Variants in CARF observed in about 807,000 individuals in gnomAD.
CARF encodes calcium responsive transcription factor.
In CARF, 57 loss-of-function variants were observed where a neutral mutation model predicts 82.0. The observed-to-expected ratio is 0.70, with a 90% CI of 0.56 to 0.87. The LOEUF (loss-of-function observed/expected upper bound fraction) is 0.87, where lower values mean the gene tolerates loss of function less well. Ranked by LOEUF, CARF falls within the 40% of genes least tolerant of loss-of-function variation. The pLI is 0.00. For missense variants in CARF, 771 were observed against 855.8 expected (o/e 0.90, Z 1.24); for synonymous variants, 268 against 290.1 (o/e 0.92, Z 0.77).
intron 9 of CARF, among the ~76,000 whole-genome samples, chr2:202,965,545 G>T (rs910716275): frequency 2.0e-5 from 3 of 151,698 alleles, no homozygotes; most frequent in African/African-American, 7.2e-5. Context: ...TTTCTGAGTG[G>T]TTGTTTATTA....
chr2:202,923,110 G>T (rs1450532715), intron 2 of CARF, among the ~76,000 whole-genome samples: 2 of 151,588 alleles, frequency 1.3e-5, no homozygotes, highest in Non-Finnish European at 2.9e-5. Flanking sequence ...GTGTGGTGGT[G>T]CATGCCTGTA....
intron 2 of CARF, among the ~76,000 whole-genome samples, chr2:202,921,509 G>A (rs1690783459): frequency 6.6e-6 from 1 of 152,080 alleles, no homozygotes; most frequent in African/African-American, 2.4e-5. Flanking sequence ...GTGATATCAT[G>A]AAATAAACCT....
At chr2:202,935,423 AC>A (rs1181070925) in intron 3 of CARF, among the ~76,000 whole-genome samples, 1 of 150,746 alleles carries the variant, frequency 6.6e-6, no homozygotes, top group Non-Finnish European at 1.5e-5. Context: ...TATCAATTGT[AC>A]CCTTTTCTCT....
At chr2:202,970,185 A>T (rs1001123370) in intron 11 of CARF, 123 bp downstream of exon 11, 1 of 869,648 alleles carries the variant, frequency 1.1e-6, no homozygotes, top group African/African-American at 1.8e-5. Flanking sequence ...TAAGGTAGAG[A>T]TATCAATAGT....
intron 3 of CARF, among the ~76,000 whole-genome samples, chr2:202,940,524 G>C (rs1019272262): frequency 6.6e-6 from 1 of 151,964 alleles, no homozygotes; most frequent in African/African-American, 2.4e-5. Flanking sequence ...TTCTTTGATT[G>C]TTAGCTTATA....
intron 1 of CARF, among the ~76,000 whole-genome samples, chr2:202,916,047 C>T (rs1479891926): frequency 1.3e-5 from 2 of 152,006 alleles, no homozygotes; most frequent in Non-Finnish European, 2.9e-5. Context: ...GTCTTGATTT[C>T]ATTTTTGACA....
chr2:202,981,280 T>C (rs2060251503), intron 14 of CARF, among the ~76,000 whole-genome samples: 1 of 152,192 alleles, frequency 6.6e-6, no homozygotes, highest in Non-Finnish European at 1.5e-5. Flanking sequence ...ATGTTTCTGC[T>C]GATCTAACAC....
At chr2:202,981,335 G>A (rs1479684134) in intron 14 of CARF, among the ~76,000 whole-genome samples, 1 of 152,184 alleles carries the variant, frequency 6.6e-6, no homozygotes, top group Non-Finnish European at 1.5e-5. Context: ...AGTAAGGCTT[G>A]CTTGCCCCAT....
chr2:202,932,357 T>C (rs1317248233), intron 3 of CARF, among the ~76,000 whole-genome samples: 1 of 152,114 alleles, frequency 6.6e-6, no homozygotes, highest in Non-Finnish European at 1.5e-5. Flanking sequence ...TGGATGTAGA[T>C]TGACCACAGA....
At chr2:202,969,212 T>A (rs1026029421) in intron 10 of CARF, among the ~76,000 whole-genome samples, 1 of 151,322 alleles carries the variant, frequency 6.6e-6, no homozygotes, top group Non-Finnish European at 1.5e-5. Flanking sequence ...GAGAATCACC[T>A]GTGACATTGA....
At chr2:202,933,741 G>T (rs1693404447) in intron 3 of CARF, among the ~76,000 whole-genome samples, 1 of 152,034 alleles carries the variant, frequency 6.6e-6, no homozygotes, top group Non-Finnish European at 1.5e-5. Context: ...GACTTCTAGT[G>T]GGCCATCTTG....
intron 5 of CARF, among the ~76,000 whole-genome samples, chr2:202,949,342 C>CAAAA (rs540061451): frequency 1.8e-5 from 2 of 114,054 alleles, no homozygotes; most frequent in African/African-American, 3.4e-5. Flanking sequence ...GACTCCATCT[C>CAAAA]AAAAAAAAAA....
At chr2:202,947,210 A>G (rs1218667425) in intron 5 of CARF, among the ~76,000 whole-genome samples, 3 of 152,222 alleles carry the variant, frequency 2.0e-5, no homozygotes, top group Non-Finnish European at 2.9e-5. Flanking sequence ...ACAATAGCAA[A>G]GTCTTGGAAC....
chr2:202,947,278 A>G (rs1044651281), intron 5 of CARF, among the ~76,000 whole-genome samples: 3 of 152,208 alleles, frequency 2.0e-5, no homozygotes, highest in African/African-American at 7.2e-5. Context: ...CATATATACC[A>G]TGGAACACTA....
At position 202,913,582 on chromosome 2, in the gene CARF, G is replaced by A. The variant is rs373029202; in HGVS notation, c.-330+480G>A. 5.3e-5 allele frequency among the ~76,000 whole-genome samples: 8 copies of A among 152,296 alleles called. No homozygotes were observed. In the East Asian group the frequency reaches 1.2e-3, roughly 22 times the overall value. On this transcript the variant is annotated intron_variant, in intron 1 of 16. Coordinates refer to ENST00000438828, the MANE Select transcript of CARF (RefSeq NM_024744.17). ...TGAAGTCCCAGGAGATCACTTATTA[G>A]GCTTGAGCTTGCTAATGGAAGTGGT...
rs34306825 is a variant in CARF at position 202,977,320 on chromosome 2, A to C, written c.1546A>C (p.Thr516Pro). 95 of 1,611,698 alleles carry C rather than the reference A, an allele frequency of 5.9e-5. 4 individuals are homozygous for C. In the Middle Eastern group the frequency reaches 6.1e-3, roughly 103 times the overall value. ...TATTCTCAAAGAGACCATGACAGTT[A>C]CATTTGCAGAAGGTAGGTTTTCTTG... is the stretch of plus-strand genomic sequence containing the variant. ...GNILKETMTV[T>P]FAEGNSPGES... is the part of the protein sequence containing the mutation. The change falls in exon 14 of 17, where the codon ACA (threonine) becomes CCA (proline). Residue 516 changes from threonine (T) to proline (P), a missense_variant. Coordinates refer to ENST00000438828, the MANE Select transcript of CARF (RefSeq NM_024744.17).
intron 12 of CARF, 40 bp from the exon 13 acceptor site, chr2:202,974,294 A>G: frequency 1.4e-6 from 2 of 1,476,804 alleles, no homozygotes; most frequent in Non-Finnish European, 9.1e-7. Context: ...GCATATTGCT[A>G]AATGGTTTAT....
chr2:202,975,213 T>A (rs2059976463), intron 13 of CARF, among the ~76,000 whole-genome samples: 1 of 151,918 alleles, frequency 6.6e-6, no homozygotes, highest in Admixed American at 6.6e-5. Flanking sequence ...CCCAGCACTT[T>A]GGGAGGCTGA....
At chr2:202,957,811 C>T (rs752180627) in intron 8 of CARF, among the ~76,000 whole-genome samples, 14 of 151,892 alleles carry the variant, frequency 9.2e-5, no homozygotes, top group Admixed American at 2.0e-4. Context: ...AAAAATTAGC[C>T]GGGCATGGTA....
Sources: gnomAD v4.1 joint callset for allele counts (sites outside exome capture counted in the v4.1 genomes callset) on GRCh38, gnomAD v4.1.1 for gene constraint, MANE v1.5 for transcripts, NCBI Gene and HGNC (gene_info 2026-07-23, HGNC 2026-07-21) for gene names.